IMMT: variants seen among roughly 807,000 people sequenced by gnomAD.
The protein encoded by IMMT is MICOS complex subunit MIC60.
In IMMT, 40 loss-of-function variants were observed where a neutral mutation model predicts 92.7. The ratio of observed to expected loss-of-function variants is 0.43; its 90% CI spans 0.34 to 0.56. The LOEUF is 0.56. Ranked by LOEUF, IMMT falls within the 20% of genes least tolerant of loss-of-function variation. The pLI is 0.03. For missense variants in IMMT, 831 were observed against 912.1 expected, an observed-to-expected ratio of 0.91 and a Z score of 1.14; for synonymous variants, 322 against 336.1, an observed-to-expected ratio of 0.96 and a Z score of 0.46.
intron 7 of IMMT, among the ~76,000 whole-genome samples, chr2:86,162,341 G>GTTTTTTTTTTT (rs572177860): frequency 7.1e-6 from 1 of 140,222 alleles, no homozygotes. Context: ...AAGGAGAGTT[G>GTTTTTTTTTTT]TTTTTTTTTT....
chr2:86,153,300 A>G (rs1207683246), intron 11 of IMMT, among the ~76,000 whole-genome samples: 3 of 74,606 alleles, frequency 4.0e-5, no homozygotes, highest in Non-Finnish European at 7.8e-5. Context: ...GTTACAATCC[A>G]TATTACACAC....
chr2:86,148,776 C>G (rs974562339), intron 12 of IMMT, among the ~76,000 whole-genome samples: 1 of 152,132 alleles, frequency 6.6e-6, no homozygotes, highest in Non-Finnish European at 1.5e-5. Context: ...AGCCATAGGT[C>G]ACTTTACAAA....
In IMMT at chr2:86,171,294, A is replaced by T; in HGVS notation, c.473T>A (p.Val158Asp). The T allele has an allele frequency of 6.2e-7, 1 of 1,610,618 alleles. No individual in the cohort carries two copies. The highest frequency in any genetic ancestry group is 8.5e-7 in the Non-Finnish European group (1 of 1,178,140). Residue 158 changes from valine to aspartate, a missense_variant, in exon 5 of 15, where the codon GTC becomes GAC. By Grantham distance (152) the Val-to-Asp change is radical (BLOSUM62 -3). Coordinates refer to ENST00000410111, the MANE Select transcript of IMMT (RefSeq NM_006839.3). ...CTCAGGCTGAACTGCAGGGGCTGGG[A>T]CCGACAGGGTATCACCTGCTGCAGA... ...IISAAGDTLS[V>D]PAPAVQPEES...
At chr2:86,168,079 C>A (rs1271586215) in intron 6 of IMMT, among the ~76,000 whole-genome samples, 3 of 152,022 alleles carry the variant, frequency 2.0e-5, no homozygotes, top group Non-Finnish European at 4.4e-5. Context: ...AAGAAAAAGA[C>A]AAATAAGAAA....
At position 86,170,782 on chromosome 2, in the gene IMMT, G is replaced by T; in HGVS notation, c.622C>A (p.Gln208Lys). The change falls in exon 6 of 15, where the codon CAA becomes AAA. Residue 208 changes from glutamine (Q) to lysine (K), a missense_variant. Gln to Lys is a moderately conservative substitution (Grantham distance 53). Transcript: ENST00000410111. The stretch of plus-strand genomic sequence containing the variant: ...TTAACTTGTTCTTGTTTTTCCTGTT[G>T]TGCAAGGCGAGCTGCAACTTCTTCA... ...PPEEVAARLA[Q>K]QEKQEQVKIE... is the part of the protein sequence containing the mutation. The T allele has an allele frequency of 6.3e-7, 1 of 1,588,638 alleles. No homozygotes were observed. Among genetic ancestry groups the T allele is most frequent in the Admixed American group, 1.8e-5 (1 of 56,364 alleles).
intron 7 of IMMT, among the ~76,000 whole-genome samples, chr2:86,166,188 G>A (rs979408198): frequency 7.9e-5 from 12 of 152,164 alleles, no homozygotes; most frequent in African/African-American, 2.2e-4. Context: ...AAAATTAGCC[G>A]GGTATGGTGG....
chr2:86,146,324 T>A, intron 13 of IMMT, 127 bp from the exon 14 acceptor site: 1 of 645,106 alleles, frequency 1.6e-6, no homozygotes, highest in Non-Finnish European at 2.4e-6. Context: ...ATTCCTACAT[T>A]TTGTGTAAAG....
At position 86,146,089 on chromosome 2, in the gene IMMT, C is replaced by T; in HGVS notation, c.1642G>A (p.Gly548Arg). ...DINTAYARLR[G>R]IEQAVQSHAV... ...TTACTCTGAACAGCCTGTTCGATTC[C>T]TCTGAGTCTGGCATAGGCAGTATTT... The change falls in exon 14 of 15, where the codon GGA (glycine) becomes AGA (arginine). Residue 548 changes from glycine (G) to arginine (R), a missense_variant. Gly to Arg is a moderately radical substitution (Grantham distance 125). Transcript: ENST00000410111. 1.3e-6 allele frequency: 2 copies of T among 1,591,798 alleles called. No individual in the cohort carries two copies. Among genetic ancestry groups the T allele is most frequent in the East Asian group, 2.3e-5 (1 of 44,378 alleles).
At position 86,178,963 on chromosome 2, in the gene IMMT, G is replaced by A. The variant is rs140268689; in HGVS notation, c.309+470C>T. ...TGTAATCCCAGCTACTCGGGAGGCTGAGGCAGGAGAATCGCTTGAACCCGG... is the reference window on the plus strand; with the variant it reads ...TGTAATCCCAGCTACTCGGGAGGCTAAGGCAGGAGAATCGCTTGAACCCGG... On this transcript the variant is annotated intron_variant, in intron 3 of 14. Transcript: ENST00000410111. Among the ~76,000 whole-genome samples the A allele has an allele frequency of 7.7e-3, 1,171 of 152,278 alleles. 21 individuals are homozygous for A. The highest frequency in any genetic ancestry group is 0.026 in the African/African-American group (1,080 of 41,558).
intron 2 of IMMT, among the ~76,000 whole-genome samples, chr2:86,181,049 TTGCACATACAAGGAGGGCTA>T (rs1672402425): frequency 6.6e-6 from 1 of 152,162 alleles, no homozygotes; most frequent in Non-Finnish European, 1.5e-5. Flanking sequence ...GAATGGAAGA[TTGCACATACAAGGAGGGCTA>T]TGCCTCGGAT....
intron 14 of IMMT, among the ~76,000 whole-genome samples, chr2:86,145,683 C>T (rs1393382505): frequency 6.6e-6 from 1 of 151,914 alleles, no homozygotes; most frequent in South Asian, 2.1e-4. Context: ...TTCAATGTGG[C>T]ACATGGAGGC....
At chr2:86,157,798 A>G (rs1337526645) in intron 10 of IMMT, among the ~76,000 whole-genome samples, 1 of 130,252 alleles carries the variant, frequency 7.7e-6, no homozygotes, top group African/African-American at 2.6e-5. Flanking sequence ...CAAAAAAAAA[A>G]AAAAAGAAAA....
intron 10 of IMMT, among the ~76,000 whole-genome samples, chr2:86,155,214 T>C (rs758057902): frequency 6.6e-6 from 1 of 152,136 alleles, no homozygotes; most frequent in Non-Finnish European, 1.5e-5. Context: ...AAGACAGGTA[T>C]TTTTCATCCA....
Position 86,179,454 on chromosome 2 carries a change from A to G in IMMT, c.288T>C (p.Asn96=). 6.2e-7 allele frequency: 1 copy of G among 1,601,462 alleles called. No homozygotes were observed. The highest frequency in any genetic ancestry group is 8.5e-7 in the Non-Finnish European group (1 of 1,176,398). Residue 96 remains asparagine, a synonymous_variant, in exon 3 of 15, where the codon AAT becomes AAC. Coordinates refer to ENST00000410111, the MANE Select transcript of IMMT (RefSeq NM_006839.3). ...TTACCGATTTCTTTGGCAATGGAAC[A>G]TTATAAGCTGCAGGACCAAGAACCA... ...FEMVLGPAAY[N]VPLPKKSIQS...
chr2:86,188,808 G>C (rs1397245199), intron 1 of IMMT, among the ~76,000 whole-genome samples: 3 of 152,052 alleles, frequency 2.0e-5, no homozygotes, highest in Non-Finnish European at 4.4e-5. Context: ...CACCTCATCA[G>C]ATATGAGGGT....
intron 6 of IMMT, among the ~76,000 whole-genome samples, chr2:86,167,332 C>T (rs139668183): frequency 0.012 from 1,783 of 149,608 alleles, 41 homozygotes; most frequent in African/African-American, 0.041. Flanking sequence ...CCACCACGCC[C>T]AGCTAATTTT....
intron 8 of IMMT, among the ~76,000 whole-genome samples, chr2:86,160,943 A>G (rs538051281): frequency 6.6e-6 from 1 of 152,244 alleles, no homozygotes; most frequent in South Asian, 2.1e-4. Context: ...TTTATGTAAG[A>G]TCCTTTATAT....
At chr2:86,147,537 T>A (rs1376020074) in intron 13 of IMMT, among the ~76,000 whole-genome samples, 165 bp downstream of exon 13, 1 of 152,216 alleles carries the variant, frequency 6.6e-6, no homozygotes. Context: ...AAAACACATC[T>A]GATCATGAAC....
intron 8 of IMMT, chr2:86,159,976 T>C (rs1343763838): frequency 5.6e-6 from 1 of 178,440 alleles, no homozygotes; most frequent in Non-Finnish European, 1.2e-5. Flanking sequence ...TCAAGTGCAA[T>C]AGTAAGGGAG....
Sources: gnomAD v4.1 joint callset for allele counts (sites outside exome capture counted in the v4.1 genomes callset) on GRCh38, gnomAD v4.1.1 for gene constraint, MANE v1.5 for transcripts, NCBI Gene and HGNC (gene_info 2026-07-23, HGNC 2026-07-21) for gene names.